Variants in NRP1 observed in about 807,000 individuals in gnomAD.
NRP1 encodes the protein neuropilin 1, also known as neuropilin-1.
A neutral mutation model predicts 106.7 loss-of-function variants in NRP1; 35 were observed. The observed-to-expected ratio is 0.33, with a 90% confidence interval of 0.25 to 0.43. The LOEUF is 0.43. Among genes scored for constraint, NRP1 ranks in the 20% least tolerant of loss-of-function variants. The pLI is 1.00. For missense variants in NRP1, 1,024 were observed against 1,170.4 expected, an observed-to-expected ratio of 0.87 and a Z score of 1.83; for synonymous variants, 437 against 417.9, an observed-to-expected ratio of 1.05 and a Z score of -0.56.
At chr10:33,253,749 C>G (rs1186323580) in intron 6 of NRP1, among the ~76,000 whole-genome samples, 1 of 152,138 alleles carries the variant, frequency 6.6e-6, no homozygotes, top group African/African-American at 2.4e-5. Context: ...GTCACATTCT[C>G]GGAAGAGTAG....
At chr10:33,262,894 G>A (rs1403259881) in intron 4 of NRP1, among the ~76,000 whole-genome samples, 1 of 152,070 alleles carries the variant, frequency 6.6e-6, no homozygotes, top group Non-Finnish European at 1.5e-5. Context: ...AACGTGCATT[G>A]TTTATTGTTT....
Position 33,202,602 on chromosome 10 carries a change from G to A in NRP1, c.1864+289C>T, listed in dbSNP as rs78592546. 9.3e-4 allele frequency: 1,382 copies of A among 1,481,932 alleles called. 10 individuals are homozygous for A. In the African/African-American group the frequency reaches 0.014, roughly 15 times the overall value. 91.8% of individuals were successfully genotyped at this position (1,481,932 alleles called of 1,614,324 possible). On this transcript the variant is annotated intron_variant, in intron 11 of 16. Coordinates refer to ENST00000374867, the MANE Select transcript of NRP1 (RefSeq NM_003873.7). ...TCTGAAAATAATGAAAATAAGGATC[G>A]GTTTAGTACATTTAGCCATGGGGAA...
At chr10:33,234,674 T>G (rs773474410) in intron 6 of NRP1, among the ~76,000 whole-genome samples, 1 of 152,170 alleles carries the variant, frequency 6.6e-6, no homozygotes, top group South Asian at 2.1e-4. Flanking sequence ...AATACCCAAG[T>G]AGAAGAACAG....
chr10:33,183,566 T>C (rs1307613750), intron 15 of NRP1, among the ~76,000 whole-genome samples: 1 of 152,196 alleles, frequency 6.6e-6, no homozygotes, highest in African/African-American at 2.4e-5. Flanking sequence ...CAAAAATAGA[T>C]AAATACATAA....
At chr10:33,292,971 G>A (rs1326765958) in intron 2 of NRP1, among the ~76,000 whole-genome samples, 1 of 146,602 alleles carries the variant, frequency 6.8e-6, no homozygotes, top group African/African-American at 2.5e-5. Context: ...GGGCAACAGA[G>A]TGAGACTCCA....
At chr10:33,249,462 A>G (rs546820734) in intron 6 of NRP1, 1 of 528,412 alleles carries the variant, frequency 1.9e-6, no homozygotes, top group African/African-American at 1.9e-5. Context: ...CTCAGTTTCA[A>G]TGAGCTTAAT....
intron 6 of NRP1, among the ~76,000 whole-genome samples, chr10:33,251,780 G>A (rs1841876548): frequency 6.6e-6 from 1 of 152,082 alleles, no homozygotes. Flanking sequence ...AGAGCTCCTG[G>A]AAGACCACCA....
chr10:33,240,200 C>T (rs767528110), intron 6 of NRP1, among the ~76,000 whole-genome samples: 16 of 152,160 alleles, frequency 1.1e-4, no homozygotes, highest in Non-Finnish European at 1.6e-4. Flanking sequence ...CACACACACA[C>T]AGACACACAC....
chr10:33,226,405 T>G (rs1839675787), intron 6 of NRP1, 116 bp from the exon 7 acceptor site: 1 of 1,095,146 alleles, frequency 9.1e-7, no homozygotes. Context: ...CAACAGGGCC[T>G]CATTCCATCG....
intron 2 of NRP1, among the ~76,000 whole-genome samples, chr10:33,277,733 A>T (rs1383253842): frequency 6.6e-6 from 1 of 152,264 alleles, no homozygotes; most frequent in Non-Finnish European, 1.5e-5. Flanking sequence ...TTAAATAAAG[A>T]ATAATAATAA....
chr10:33,334,396 G>A lies in NRP1; in HGVS notation c.-14C>T, dbSNP rs541266963. ...CCCCCTCTCCATTCTCCCTTCTCCG[G>A]GTCCGCAGGCAGACGCGGGAGAACG... On this transcript the variant is annotated 5_prime_UTR_variant, in exon 1 of 17. Coordinates refer to ENST00000374867, the MANE Select transcript of NRP1 (RefSeq NM_003873.7). 2 of 1,543,358 alleles carry A rather than the reference G, an allele frequency of 1.3e-6. No individual in the cohort carries two copies. Among genetic ancestry groups the A allele is most frequent in the African/African-American group, 1.4e-5 (1 of 73,024 alleles).
intron 2 of NRP1, among the ~76,000 whole-genome samples, chr10:33,319,083 C>G (rs1183253865): frequency 6.8e-6 from 1 of 147,340 alleles, no homozygotes; most frequent in African/African-American, 2.5e-5. Context: ...CAGCTCACTG[C>G]AAGCTCTGCT....
Position 33,228,278 on chromosome 10 carries a change from A to C in NRP1, c.982-1989T>G, listed in dbSNP as rs184681364. Among the ~76,000 whole-genome samples the C allele has an allele frequency of 6.5e-3, 987 of 152,312 alleles. 9 individuals carry two copies. The highest frequency in any genetic ancestry group is 0.022 in the African/African-American group (903 of 41,554). On this transcript the variant is annotated intron_variant, in intron 6 of 16. Transcript: ENST00000374867. ...TCCCAACTACTCGGGAGGCTGAGGCAGTAGAATCTCCTGAACCCTGGAGGC... is the reference window on the plus strand; with the variant it reads ...TCCCAACTACTCGGGAGGCTGAGGCCGTAGAATCTCCTGAACCCTGGAGGC...
intron 15 of NRP1, 136 bp from the exon 16 acceptor site, chr10:33,182,884 G>T: frequency 1.4e-6 from 1 of 707,628 alleles, no homozygotes. Context: ...GCTCCTTTTG[G>T]ATTTTTTAGT....
At chr10:33,275,986 A>G (rs566849813) in intron 2 of NRP1, among the ~76,000 whole-genome samples, 4 of 152,284 alleles carry the variant, frequency 2.6e-5, no homozygotes, top group Admixed American at 2.0e-4. Context: ...TTATGATATA[A>G]TCAGTGAAAA....
intron 5 of NRP1, among the ~76,000 whole-genome samples, chr10:33,256,005 T>A (rs1325146024): frequency 6.6e-6 from 1 of 152,198 alleles, no homozygotes; most frequent in Non-Finnish European, 1.5e-5. Context: ...CAGCCTTGTA[T>A]GCATTTGAGG....
chr10:33,276,612 G>A (rs976282861), intron 2 of NRP1, among the ~76,000 whole-genome samples: 2 of 152,124 alleles, frequency 1.3e-5, no homozygotes, highest in Non-Finnish European at 2.9e-5. Flanking sequence ...TTTTAATATT[G>A]CCTACTTCGG....
At chr10:33,273,000 G>A (rs1456599780) in intron 2 of NRP1, among the ~76,000 whole-genome samples, 3 of 148,630 alleles carry the variant, frequency 2.0e-5, no homozygotes, top group African/African-American at 7.5e-5. Flanking sequence ...GAAAGAAGCT[G>A]GTATTTTAAT....
intron 9 of NRP1, 177 bp downstream of exon 9, chr10:33,213,209 C>T: frequency 6.6e-7 from 1 of 1,517,534 alleles, no homozygotes; most frequent in Non-Finnish European, 8.9e-7. Context: ...TCAGACATCA[C>T]TTTTCATGCC....
Sources: gnomAD v4.1 joint callset for allele counts (sites outside exome capture counted in the v4.1 genomes callset) on GRCh38, gnomAD v4.1.1 for gene constraint, MANE v1.5 for transcripts, NCBI Gene and HGNC (gene_info 2026-07-23, HGNC 2026-07-21) for gene names.